Variants in NOS3 observed in about 807,000 individuals in gnomAD.
NOS3 encodes the protein nitric oxide synthase 3.
Under a neutral mutation model 144.9 loss-of-function variants are expected in NOS3, and 98 were observed. That is an observed-to-expected ratio of 0.68 (90% confidence interval 0.57 to 0.80). The LOEUF is 0.80. NOS3 is among the 30% of genes least tolerant of loss of function. The pLI is 0.00. For synonymous variants in NOS3, 714 were observed against 702.4 expected (o/e 1.02, Z -0.26); for missense variants, 1,465 against 1,656.4 (o/e 0.88, Z 2.01).
chr7:151,006,785 T>C (rs1408363197), intron 15 of NOS3, 104 bp from the exon 16 acceptor site: 1 of 942,238 alleles, frequency 1.1e-6, no homozygotes, highest in Non-Finnish European at 1.7e-6. Flanking sequence ...GGGCCTTTCC[T>C]GTCCCAGAGG....
intron 10 of NOS3, 50 bp downstream of exon 10, chr7:151,000,649 C>A (rs1318743871): frequency 7.9e-7 from 1 of 1,270,832 alleles, no homozygotes; most frequent in Non-Finnish European, 1.1e-6. Flanking sequence ...CATACGGGGG[C>A]AGCAGGGGCG....
rs1323106672 is a variant in NOS3 at position 150,993,709 on chromosome 7, C to G, written c.-51-44C>G. 4 of 1,304,304 alleles carry G rather than the reference C, an allele frequency of 3.1e-6. No individual in the cohort carries two copies. Among genetic ancestry groups the G allele is most frequent in the Non-Finnish European group, 4.2e-6 (4 of 954,060 alleles). 80.8% of individuals were successfully genotyped at this position (1,304,304 alleles called of 1,614,324 possible). ...GGGCGAGGGCCAGCACTGGAGAGCC[C>G]CCTCCCACTGCCCCCTCCTCTCGGT... is the stretch of plus-strand genomic sequence containing the variant. On this transcript the variant is annotated intron_variant, in intron 1 of 26. Coordinates refer to ENST00000297494, the MANE Select transcript of NOS3 (RefSeq NM_000603.5). This position sits in a 1 kb window ranked among gnomAD's most constrained non-coding sequence, Gnocchi z 4.0.
Position 150,995,242 on chromosome 7 carries a change from C to T in NOS3, c.198C>T (p.Pro66=), listed in dbSNP as rs774283825. ...CGCTAACCCAGCCCCCAGAGGGGCC[C>T]AAGTTCCCTCGTGTGAAGAACTGGG... The part of the protein sequence containing the change: ...SSPLTQPPEG[P]KFPRVKNWEV... Residue 66 remains proline, a synonymous_variant, in exon 3 of 27, where the codon CCC becomes CCT. Transcript: ENST00000297494. 2 of 1,611,328 alleles carry T rather than the reference C, an allele frequency of 1.2e-6. No individual in the cohort carries two copies. The highest frequency in any genetic ancestry group is 1.7e-6 in the Non-Finnish European group (2 of 1,178,984).
At chr7:151,006,303 T>G in intron 14 of NOS3, 124 bp from the exon 15 acceptor site, 1 of 800,238 alleles carries the variant, frequency 1.2e-6, no homozygotes, top group South Asian at 1.5e-5. Flanking sequence ...TTTTGAAATT[T>G]TCAAAACAAA....
At position 151,014,212 on chromosome 7, in the gene NOS3, C is replaced by T; in HGVS notation, c.*43C>T. ...CTTCCAGTTCCGGGAGAGCGGCTGC[C>T]CGACTCAGGTCCGCCCGACCAGGAT... On this transcript the variant is annotated 3_prime_UTR_variant, in exon 27 of 27. Coordinates refer to ENST00000297494, the MANE Select transcript of NOS3 (RefSeq NM_000603.5). 1.3e-6 allele frequency: 2 copies of T among 1,558,034 alleles called. No individual in the cohort carries two copies. Among genetic ancestry groups the T allele is most frequent in the Non-Finnish European group, 1.7e-6 (2 of 1,151,240 alleles).
chr7:151,002,017 C>T lies in NOS3; in HGVS notation c.1647+52C>T, dbSNP rs1305706932. The T allele has an allele frequency of 6.2e-7, 1 of 1,603,780 alleles. No homozygotes were observed. The highest frequency in any genetic ancestry group is 2.2e-5 in the East Asian group (1 of 44,742). On this transcript the variant is annotated intron_variant, in intron 13 of 26. Coordinates refer to ENST00000297494, the MANE Select transcript of NOS3 (RefSeq NM_000603.5). This position sits in a 1 kb window ranked among gnomAD's most constrained non-coding sequence, Gnocchi z 4.1. Reference sequence around the variant, plus strand: ...AGCTAGAAAGAGGGGGCTCTATCAGCATCTTCAGGGGTGCCCTGGAGGACA... The same window carrying T: ...AGCTAGAAAGAGGGGGCTCTATCAGTATCTTCAGGGGTGCCCTGGAGGACA...
intron 2 of NOS3, 72 bp from the exon 3 acceptor site, chr7:150,995,131 C>A: frequency 1.2e-6 from 1 of 825,274 alleles, no homozygotes; most frequent in Non-Finnish European, 2.0e-6. Context: ...TAACAGGGGC[C>A]TCCGGGTGAC....
intron 19 of NOS3, 21 bp downstream of exon 19, chr7:151,009,288 G>GC (rs768875760): frequency 1.7e-5 from 27 of 1,590,498 alleles, no homozygotes; most frequent in African/African-American, 4.1e-5. Flanking sequence ...CGGCTTTACC[G>GC]CCCCCCCACC....
In NOS3 at chr7:151,006,841, G is replaced by A. The variant is rs565589518; in HGVS notation, c.1821-48G>A. The A allele has an allele frequency of 2.8e-5, 41 of 1,458,154 alleles. No individual in the cohort carries two copies. The East Asian group carries it at 8.4e-4, about 30-fold the overall frequency. 90.3% of individuals were successfully genotyped at this position (1,458,154 alleles called of 1,614,324 possible). A position where few individuals can be genotyped will look rare whatever the true frequency, so the allele number is the denominator to read the frequency against. ...CTGGGGCTGGGGCTGGGCCTAGCCTGTATCCCCAGGGCCCTGTGACAACCT... is the reference window on the plus strand; with the variant it reads ...CTGGGGCTGGGGCTGGGCCTAGCCTATATCCCCAGGGCCCTGTGACAACCT... On this transcript the variant is annotated intron_variant, in intron 15 of 26. Transcript: ENST00000297494.
At chr7:151,013,652 C>G in intron 25 of NOS3, 72 bp from the exon 26 acceptor site, 1 of 1,373,868 alleles carries the variant, frequency 7.3e-7, no homozygotes, top group East Asian at 2.5e-5. Context: ...CGTCCAGGGC[C>G]AGCCAGCAGC....
At position 151,010,959 on chromosome 7, in the gene NOS3, G is replaced by T; in HGVS notation, c.2957G>T (p.Gly986Val). The change falls in exon 23 of 27, where the codon GGA becomes GTA. Residue 986 changes from glycine to valine, a missense_variant. Around this residue, in one of 5 missense-constraint regions of NOS3, gnomAD observed 106 missense variants for 167.7 expected, o/e 0.63. Transcript: ENST00000297494. ...CSTWLSQLKP[G>V]DPVPCFIRGA... ...ACGTGGCTAAGCCAGCTCAAGCCCG[G>T]AGACCCTGTGCCCTGCTTCATCCGG... The T allele has an allele frequency of 2.5e-6, 4 of 1,613,860 alleles. No homozygotes were observed. Among genetic ancestry groups the T allele is most frequent in the Non-Finnish European group, 3.4e-6 (4 of 1,179,882 alleles).
At chr7:151,000,927 C>G (rs1796076411) in intron 10 of NOS3, among the ~76,000 whole-genome samples, 1 of 152,058 alleles carries the variant, frequency 6.6e-6, no homozygotes, top group South Asian at 2.1e-4. Flanking sequence ...GGATCAAGGG[C>G]ACACCAGGAG....
intron 14 of NOS3, among the ~76,000 whole-genome samples, chr7:151,006,172 A>G (rs1446235234): frequency 6.6e-6 from 1 of 152,200 alleles, no homozygotes; most frequent in Non-Finnish European, 1.5e-5. Flanking sequence ...AAGTTCAAGG[A>G]AAAAGGGCTG....
chr7:150,997,056 A>G, intron 5 of NOS3, 131 bp downstream of exon 5: 1 of 1,169,178 alleles, frequency 8.6e-7, no homozygotes, highest in Non-Finnish European at 1.2e-6. Context: ...TTTCCCTTAG[A>G]GACTGGAAAG....
At chr7:151,008,432 G>T (rs1453216116) in intron 17 of NOS3, among the ~76,000 whole-genome samples, 2 of 152,200 alleles carry the variant, frequency 1.3e-5, no homozygotes, top group Non-Finnish European at 2.9e-5. Flanking sequence ...GCCCCGTGGG[G>T]TCCCCTCTGC....
chr7:151,009,551 C>A lies in NOS3; in HGVS notation c.2478C>A (p.Pro826=). 1 of 1,543,594 alleles carries A rather than the reference C, an allele frequency of 6.5e-7. No homozygotes were observed. The highest frequency in any genetic ancestry group is 8.7e-7 in the Non-Finnish European group (1 of 1,145,098). ...RVEDPPAPTE[P]VAVEQLEKGS... is the part of the protein sequence containing the mutation. ...AGGACCCGCCGGCGCCCACTGAGCCCGTGGCAGTAGAGCAGCTGGAGAAGG... is the reference window on the plus strand; with the variant it reads ...AGGACCCGCCGGCGCCCACTGAGCCAGTGGCAGTAGAGCAGCTGGAGAAGG... Residue 826 remains proline, a synonymous_variant, in exon 20 of 27, where the codon CCC becomes CCA. Transcript: ENST00000297494.
chr7:151,013,155 G>A (rs1450453292), intron 24 of NOS3, 76 bp from the exon 25 acceptor site: 4 of 1,500,482 alleles, frequency 2.7e-6, no homozygotes, highest in Admixed American at 4.0e-5. Context: ...CAGGCTGGGC[G>A]ACGGTGGCCT....
In NOS3 at chr7:150,998,458, C is replaced by G. The variant is rs559900482; in HGVS notation, c.674+10C>G. ...ACCGGGGCAACCTTCGGTGAGTGCCCCCCACCATGCCAGGCCCCAGCCTTC... is the reference window on the plus strand; with the variant it reads ...ACCGGGGCAACCTTCGGTGAGTGCCGCCCACCATGCCAGGCCCCAGCCTTC... On this transcript the variant is annotated intron_variant, in intron 6 of 26. Coordinates refer to ENST00000297494, the MANE Select transcript of NOS3 (RefSeq NM_000603.5). The surrounding 1 kb of genome is among the most constrained non-coding windows in gnomAD (Gnocchi z 5.0). The G allele has an allele frequency of 6.2e-7, 1 of 1,611,882 alleles. No individual in the cohort carries two copies. Among genetic ancestry groups the G allele is most frequent in the Non-Finnish European group, 8.5e-7 (1 of 1,179,598 alleles).
At chr7:151,012,596 C>G in intron 24 of NOS3, 124 bp downstream of exon 24, 1 of 1,238,938 alleles carries the variant, frequency 8.1e-7, no homozygotes, top group Non-Finnish European at 1.1e-6. Context: ...GCTGAAAAGA[C>G]GCTCATGAGA....
Sources: allele counts gnomAD v4.1 joint callset (sites outside exome capture counted in the v4.1 genomes callset), GRCh38; gene constraint gnomAD v4.1.1; regional missense constraint gnomAD v4.1.1; non-coding constraint Gnocchi (gnomAD v3.1); transcripts MANE v1.5; gene names NCBI Gene and HGNC (gene_info 2026-07-23, HGNC 2026-07-21).